The following RBFOX1 variants were observed in gnomAD, a reference collection of about 807,000 sequenced individuals.
The protein encoded by RBFOX1 is RNA binding fox-1 homolog 1, also known as RNA binding protein fox-1 homolog 1.
RBFOX1 carries 8 observed loss-of-function variants against 57.7 expected under a neutral mutation model. The observed-to-expected ratio is 0.14, with a 90% CI of 0.08 to 0.25. The LOEUF is 0.25. RBFOX1 is among the 10% of genes least tolerant of loss of function. The pLI is 1.00. For synonymous variants in RBFOX1, 326 were observed against 222.4 expected (o/e 1.47, Z -4.15); for missense variants, 611 against 548.5 (o/e 1.11, Z -1.14).
intron 3 of RBFOX1, among the ~76,000 whole-genome samples, chr16:6,874,405 G>T (rs1050876758): frequency 1.3e-5 from 2 of 149,268 alleles, no homozygotes; most frequent in African/African-American, 4.9e-5. Flanking sequence ...AGCTACTTAG[G>T]AGGCTGAGGC....
intron 1 of RBFOX1, among the ~76,000 whole-genome samples, chr16:5,416,181 G>A (rs1299712376): frequency 5.3e-5 from 8 of 152,086 alleles, no homozygotes; most frequent in Non-Finnish European, 1.2e-4. Context: ...TCCTCACAGC[G>A]ACTCCTGGAC....
At chr16:5,959,228 C>A (rs1224998473) in intron 4 of RBFOX1, among the ~76,000 whole-genome samples, 1 of 152,198 alleles carries the variant, frequency 6.6e-6, no homozygotes, top group Non-Finnish European at 1.5e-5. Context: ...TTTAACCATT[C>A]ACAGAGGGAA....
intron 3 of RBFOX1, among the ~76,000 whole-genome samples, chr16:6,900,234 A>T (rs781568591): frequency 2.0e-5 from 3 of 152,190 alleles, no homozygotes; most frequent in Non-Finnish European, 2.9e-5. Context: ...CTATTTAAGC[A>T]CGTTCAAACA....
chr16:7,362,412 T>C (rs1387638697), intron 4 of RBFOX1, among the ~76,000 whole-genome samples: 1 of 151,718 alleles, frequency 6.6e-6, no homozygotes, highest in East Asian at 1.9e-4. Flanking sequence ...TGTATATGTT[T>C]TGTGTGTATG....
At chr16:5,621,220 T>C (rs1156357738) in intron 3 of RBFOX1, among the ~76,000 whole-genome samples, 1 of 152,138 alleles carries the variant, frequency 6.6e-6, no homozygotes, top group African/African-American at 2.4e-5. Context: ...CATGGGATCT[T>C]CCCACCTCAA....
chr16:6,277,458 C>CAAAATA (rs2075925715), intron 1 of RBFOX1, among the ~76,000 whole-genome samples: 1 of 80,826 alleles, frequency 1.2e-5, no homozygotes, highest in African/African-American at 4.8e-5. Context: ...GTCTGTCTCC[C>CAAAATA]AAAAAAAAAA....
intron 3 of RBFOX1, among the ~76,000 whole-genome samples, chr16:5,745,309 A>G (rs1374577041): frequency 6.6e-6 from 1 of 152,206 alleles, no homozygotes; most frequent in East Asian, 1.9e-4. Context: ...CCCATGGTGT[A>G]TATGTGCCAC....
intron 3 of RBFOX1, among the ~76,000 whole-genome samples, chr16:6,749,392 A>C (rs959266639): frequency 6.6e-6 from 1 of 152,148 alleles, no homozygotes; most frequent in African/African-American, 2.4e-5. Flanking sequence ...CCTTCCCCCA[A>C]GGAGGCATGA....
At chr16:7,563,300 A>G (rs902212791) in intron 5 of RBFOX1, among the ~76,000 whole-genome samples, 4 of 152,172 alleles carry the variant, frequency 2.6e-5, no homozygotes, top group East Asian at 1.9e-4. Flanking sequence ...GTAGATGCCA[A>G]TAGTATTCCT....
At chr16:6,652,504 T>C (rs552733949) in intron 2 of RBFOX1, among the ~76,000 whole-genome samples, 46 of 151,236 alleles carry the variant, frequency 3.0e-4, no homozygotes, top group Non-Finnish European at 5.0e-4. Flanking sequence ...TCAGAAAGTA[T>C]AGAGCAGCAG....
At chr16:7,654,004 G>A (rs2144825157) in intron 12 of RBFOX1, 57 bp downstream of exon 12, 2 of 1,435,838 alleles carry the variant, frequency 1.4e-6, no homozygotes, top group Non-Finnish European at 1.8e-6. Flanking sequence ...CTCCCCAGAG[G>A]CACGGAGCTG....
intron 1 of RBFOX1, among the ~76,000 whole-genome samples, chr16:6,136,435 A>G (rs2096668106): frequency 6.6e-6 from 1 of 152,182 alleles, no homozygotes; most frequent in Non-Finnish European, 1.5e-5. Context: ...AGGCAATTAC[A>G]GAAAAAAAGA....
intron 12 of RBFOX1, among the ~76,000 whole-genome samples, chr16:7,664,358 T>A (rs1415548394): frequency 6.6e-6 from 1 of 152,088 alleles, no homozygotes; most frequent in Admixed American, 6.6e-5. Flanking sequence ...CCATTAACCA[T>A]AAAATAATGC....
At chr16:5,828,837 A>G (rs2056166935) in intron 3 of RBFOX1, among the ~76,000 whole-genome samples, 1 of 152,196 alleles carries the variant, frequency 6.6e-6, no homozygotes, top group African/African-American at 2.4e-5. Flanking sequence ...GGCTGGATGC[A>G]TTAGTAATTT....
At chr16:7,242,995 T>C (rs1363657450) in intron 4 of RBFOX1, among the ~76,000 whole-genome samples, 2 of 152,224 alleles carry the variant, frequency 1.3e-5, no homozygotes, top group Non-Finnish European at 2.9e-5. Context: ...CCTCCTCTTG[T>C]TTTTGTTACT....
chr16:6,276,095 A>T (rs1384887671), intron 1 of RBFOX1, among the ~76,000 whole-genome samples: 2 of 152,328 alleles, frequency 1.3e-5, no homozygotes, highest in Non-Finnish European at 2.9e-5. Flanking sequence ...ACATTTTTTT[A>T]AAATTTAAAA....
chr16:7,130,465 G>A (rs920027154), intron 4 of RBFOX1, among the ~76,000 whole-genome samples: 7 of 152,288 alleles, frequency 4.6e-5, no homozygotes, highest in African/African-American at 1.7e-4. Flanking sequence ...AGGCAAAAGT[G>A]ATCATCTCTG....
intron 3 of RBFOX1, among the ~76,000 whole-genome samples, chr16:6,798,056 C>T (rs1409656776): frequency 6.6e-6 from 1 of 152,064 alleles, no homozygotes; most frequent in Admixed American, 6.5e-5. Context: ...TAAAACCCAA[C>T]ACATAGGCAT....
At chr16:5,600,480 C>T (rs2047330460), downstream of RBFOX1, among the ~76,000 whole-genome samples, 1 of 116,422 alleles carries the variant, frequency 8.6e-6, no homozygotes, top group African/African-American at 3.7e-5. Flanking sequence ...GAGTAAGAGC[C>T]TGTCTCAAAA....
Sources: gnomAD v4.1 joint callset for allele counts (sites outside exome capture counted in the v4.1 genomes callset) on GRCh38, gnomAD v4.1.1 for gene constraint, MANE v1.5 for transcripts, NCBI Gene and HGNC (gene_info 2026-07-23, HGNC 2026-07-21) for gene names.